The following CRISPLD2 variants were observed in gnomAD, a reference collection of about 807,000 sequenced individuals.
The protein encoded by CRISPLD2 is cysteine rich secretory protein LCCL domain containing 2.
CRISPLD2 carries 47 observed loss-of-function variants against 71.1 expected under a neutral mutation model. The ratio of observed to expected loss-of-function variants is 0.66; its 90% CI spans 0.52 to 0.84. CRISPLD2 has a LOEUF of 0.84. Among genes scored for constraint, CRISPLD2 ranks in the 40% least tolerant of loss-of-function variants. The pLI, the probability that CRISPLD2 is intolerant of heterozygous loss-of-function variation, is 0.00. For synonymous variants in CRISPLD2, 317 were observed against 250.1 expected (o/e 1.27, Z -2.52); for missense variants, 830 against 651.1 (o/e 1.27, Z -2.99).
In CRISPLD2 at chr16:84,850,555, G is replaced by C. The variant is rs185114443; in HGVS notation, c.493-13G>C. The C allele has an allele frequency of 1.4e-3, 2,320 of 1,611,356 alleles. 26 individuals carry two copies. Among genetic ancestry groups the C allele is most frequent in the South Asian group, 3.8e-3 (350 of 91,026 alleles). The stretch of plus-strand genomic sequence containing the variant: ...ATCCCTCGAGCTGTGACACACAAAT[G>C]TCATCTTTTCAGATAGTTTGGGCCA... On this transcript the variant is annotated splice_polypyrimidine_tract_variant and intron_variant, in intron 4 of 14. Transcript: ENST00000262424.
chr16:84,848,413 C>T (rs1323723578), intron 3 of CRISPLD2, among the ~76,000 whole-genome samples: 2 of 151,390 alleles, frequency 1.3e-5, no homozygotes, highest in Admixed American at 6.6e-5. Flanking sequence ...TTGCTGGTGA[C>T]AGTGTGACTG....
At chr16:84,848,538 C>A (rs530973885) in intron 3 of CRISPLD2, among the ~76,000 whole-genome samples, 1 of 151,842 alleles carries the variant, frequency 6.6e-6, no homozygotes, top group Admixed American at 6.6e-5. Context: ...GATGACCCCA[C>A]GGAGGATGTC....
At chr16:84,874,028 C>T (rs1223681656) in intron 11 of CRISPLD2, 65 bp downstream of exon 11, 2 of 1,387,144 alleles carry the variant, frequency 1.4e-6, no homozygotes, top group Non-Finnish European at 2.0e-6. Context: ...CTGGAAATTT[C>T]ACTTCCTTTA....
At chr16:84,872,313 A>G (rs935123347) in intron 8 of CRISPLD2, 129 bp from the exon 9 acceptor site, 23 of 798,074 alleles carry the variant, frequency 2.9e-5, no homozygotes, top group Admixed American at 4.6e-5. Flanking sequence ...TCCAAAAACA[A>G]TGGAATCCAC....
chr16:84,829,185 G>A (rs1240372264), intron 1 of CRISPLD2: 1 of 152,408 alleles, frequency 6.6e-6, no homozygotes, highest in Non-Finnish European at 1.5e-5. Flanking sequence ...GCTGTCCTGG[G>A]GAGATGGGGA....
chr16:84,890,809 A>G (rs1020905908), intron 14 of CRISPLD2, among the ~76,000 whole-genome samples: 2 of 152,154 alleles, frequency 1.3e-5, no homozygotes, highest in African/African-American at 4.8e-5. Context: ...AAAAAGAAAA[A>G]AAGACCAAAC....
At chr16:84,900,546 CATCACACAGCGCT>C (rs2071744578) in intron 14 of CRISPLD2, among the ~76,000 whole-genome samples, 1 of 7,786 alleles carries the variant, frequency 1.3e-4, no homozygotes, top group Non-Finnish European at 2.1e-4. Flanking sequence ...CGCTGGGAGG[CATCACACAGCGCT>C]GGGAGGCATC....
rs545188997 is a variant in CRISPLD2, at chr16:84,887,126, C to G, written c.1306-2104C>G. ...CAGCTTGGTGAACCAGTGGCTGGGA[C>G]TTCATCTTCTCCCCGATGACCCCTG... On this transcript the variant is annotated intron_variant, in intron 13 of 14. Coordinates refer to ENST00000262424, the MANE Select transcript of CRISPLD2 (RefSeq NM_031476.4). Among the ~76,000 whole-genome samples, 4 of 152,304 alleles carry G rather than the reference C, an allele frequency of 2.6e-5. No homozygotes were observed. In the South Asian group the frequency reaches 8.3e-4, roughly 32 times the overall value.
intron 14 of CRISPLD2, among the ~76,000 whole-genome samples, chr16:84,898,957 G>A (rs536116426): frequency 1.3e-5 from 2 of 152,314 alleles, no homozygotes; most frequent in South Asian, 4.1e-4. Context: ...CTCAACTGCA[G>A]TGAGTTGTGA....
chr16:84,894,971 G>A (rs2071693640), intron 14 of CRISPLD2, among the ~76,000 whole-genome samples: 1 of 152,080 alleles, frequency 6.6e-6, no homozygotes, highest in African/African-American at 2.4e-5. Flanking sequence ...GATCTAAGGA[G>A]CCCTGCACTC....
At chr16:84,862,572 C>T (rs1006285186) in intron 6 of CRISPLD2, among the ~76,000 whole-genome samples, 2 of 151,426 alleles carry the variant, frequency 1.3e-5, no homozygotes, top group Non-Finnish European at 2.9e-5. Context: ...GTGCCTAAAG[C>T]GTTTCTCATG....
chr16:84,831,221 A>C (rs1405378862), intron 1 of CRISPLD2, among the ~76,000 whole-genome samples: 1 of 152,194 alleles, frequency 6.6e-6, no homozygotes, highest in Non-Finnish European at 1.5e-5. Flanking sequence ...CCTCGGTGTG[A>C]ATCACCAAAT....
At chr16:84,828,773 GA>G (rs1421199307) in intron 1 of CRISPLD2, among the ~76,000 whole-genome samples, 5 of 152,000 alleles carry the variant, frequency 3.3e-5, no homozygotes, top group Non-Finnish European at 7.4e-5. Flanking sequence ...CATTAAATAA[GA>G]GTTTGTTGAA....
chr16:84,834,097 G>A (rs1490596906), intron 1 of CRISPLD2, among the ~76,000 whole-genome samples: 1 of 152,192 alleles, frequency 6.6e-6, no homozygotes, highest in Non-Finnish European at 1.5e-5. Flanking sequence ...CTCGCCCTGG[G>A]CAGGTTCCTT....
At chr16:84,898,964 G>A (rs999056768) in intron 14 of CRISPLD2, among the ~76,000 whole-genome samples, 1 of 152,250 alleles carries the variant, frequency 6.6e-6, no homozygotes, top group African/African-American at 2.4e-5. Context: ...GCAGTGAGTT[G>A]TGATTGCACC....
At chr16:84,860,680 C>T (rs990178983) in intron 6 of CRISPLD2, among the ~76,000 whole-genome samples, 4 of 152,198 alleles carry the variant, frequency 2.6e-5, no homozygotes, top group East Asian at 1.9e-4. Context: ...TTTACAAGCT[C>T]AGTGTCCCTA....
intron 10 of CRISPLD2, 41 bp from the exon 11 acceptor site, chr16:84,873,879 T>G: frequency 6.5e-7 from 1 of 1,539,232 alleles, no homozygotes; most frequent in Non-Finnish European, 8.8e-7. Flanking sequence ...TCTATTTGCA[T>G]TTACCTAATG....
At chr16:84,860,601 C>G (rs938846823) in intron 6 of CRISPLD2, among the ~76,000 whole-genome samples, 1 of 152,086 alleles carries the variant, frequency 6.6e-6, no homozygotes, top group Admixed American at 6.6e-5. Flanking sequence ...CAGCGTGGGT[C>G]GGGGAGGAGA....
At chr16:84,866,232 T>C (rs942633841) in intron 6 of CRISPLD2, among the ~76,000 whole-genome samples, 7 of 86,638 alleles carry the variant, frequency 8.1e-5, no homozygotes, top group African/African-American at 3.0e-4. Context: ...GGCAGTTTTG[T>C]TTTTTGGTTT....
Sources: allele counts gnomAD v4.1 joint callset (sites outside exome capture counted in the v4.1 genomes callset), GRCh38; gene constraint gnomAD v4.1.1; transcripts MANE v1.5; gene names NCBI Gene and HGNC (gene_info 2026-07-23, HGNC 2026-07-21).